The following DZIP3 variants were observed in gnomAD, a reference collection of about 807,000 sequenced individuals.
DZIP3 encodes DAZ interacting zinc finger protein 3.
Under a neutral mutation model 162.0 loss-of-function variants are expected in DZIP3, and 118 were observed. That is an observed-to-expected ratio of 0.73 (90% confidence interval 0.63 to 0.85). The LOEUF (loss-of-function observed/expected upper bound fraction) is 0.85. Among genes scored for constraint, DZIP3 ranks in the 40% least tolerant of loss-of-function variants. The probability of loss-of-function intolerance (pLI) is 0.00; values close to 1 mark genes in which losing one functional copy is unlikely to be tolerated. For synonymous variants in DZIP3, 438 were observed against 458.6 expected (o/e 0.96, Z 0.57); for missense variants, 1,331 against 1,407.0 (o/e 0.95, Z 0.86).
At chr3:108,638,384 C>T (rs1280372501) in intron 12 of DZIP3, among the ~76,000 whole-genome samples, 1 of 152,098 alleles carries the variant, frequency 6.6e-6, no homozygotes, top group Non-Finnish European at 1.5e-5. Context: ...GGCACAATCT[C>T]GGCTCACTGC....
In DZIP3 at chr3:108,644,457, G is replaced by A; in HGVS notation, c.1435G>A (p.Val479Met). The change falls in exon 14 of 33, where the codon GTG (valine) becomes ATG (methionine). Residue 479 changes from valine (V) to methionine (M), a missense_variant. By Grantham distance (21) the Val-to-Met change is conservative. Transcript: ENST00000361582. Reference protein sequence around the residue: ...LLLALIKHLNVFPAPKKGWNM... With the variant: ...LLLALIKHLNMFPAPKKGWNM... ...GTTAGCTCTTATAAAACATTTAAAT[G>A]TGTTCCCTGCACCCAAAAAAGGATG... The A allele has an allele frequency of 6.2e-7, 1 of 1,613,982 alleles. No individual in the cohort carries two copies. Among genetic ancestry groups the A allele is most frequent in the Non-Finnish European group, 8.5e-7 (1 of 1,179,966 alleles).
intron 32 of DZIP3, among the ~76,000 whole-genome samples, chr3:108,692,689 TC>T (rs758165961): frequency 1.3e-5 from 2 of 152,134 alleles, no homozygotes; most frequent in Non-Finnish European, 2.9e-5. Context: ...GATTGTTTGG[TC>T]CCATCCCAGG....
chr3:108,648,165 T>C lies in DZIP3; in HGVS notation c.1962+53T>C, dbSNP rs2107656204. The C allele has an allele frequency of 2.0e-6, 3 of 1,501,556 alleles. No homozygotes were observed. The South Asian group carries it at 4.1e-5, about 20-fold the overall frequency. The allele number at this position is 1,501,556 out of a possible 1,614,324, so 93.0% of individuals were successfully genotyped here. A position where few individuals can be genotyped will look rare whatever the true frequency, so the allele number is the denominator to read the frequency against. On this transcript the variant is annotated intron_variant, in intron 16 of 32. Transcript: ENST00000361582. Reference sequence around the variant, plus strand: ...AGAAGAACTTATTCTGGGCCTTTAATTTGTTGCATGTGCTGTACTTAAAGC... The same window carrying C: ...AGAAGAACTTATTCTGGGCCTTTAACTTGTTGCATGTGCTGTACTTAAAGC...
intron 7 of DZIP3, among the ~76,000 whole-genome samples, chr3:108,626,800 C>G (rs924223453): frequency 6.6e-6 from 1 of 152,170 alleles, no homozygotes; most frequent in Non-Finnish European, 1.5e-5. Context: ...GAGTGAATAA[C>G]TAAAGTGTTT....
At chr3:108,639,466 G>C (rs1942293607) in intron 12 of DZIP3, among the ~76,000 whole-genome samples, 2 of 152,276 alleles carry the variant, frequency 1.3e-5, no homozygotes, top group South Asian at 4.1e-4. Flanking sequence ...GCTGCTTTTA[G>C]TCTGTTCTAC....
intron 22 of DZIP3, 73 bp from the exon 23 acceptor site, chr3:108,672,487 C>T (rs1943957899): frequency 8.1e-7 from 1 of 1,237,204 alleles, no homozygotes; most frequent in African/African-American, 1.5e-5. Flanking sequence ...ACTTATCTTT[C>T]TTCCTCCTGA....
chr3:108,661,377 T>C (rs1943423645), intron 19 of DZIP3, among the ~76,000 whole-genome samples: 1 of 151,896 alleles, frequency 6.6e-6, no homozygotes, highest in Non-Finnish European at 1.5e-5. Flanking sequence ...CAGCAAACTA[T>C]CGCAAGGACA....
At chr3:108,672,467 T>G in intron 22 of DZIP3, 93 bp from the exon 23 acceptor site, 1 of 1,035,676 alleles carries the variant, frequency 9.7e-7, no homozygotes, top group Non-Finnish European at 1.5e-6. Context: ...AATTTCCTAC[T>G]GATTGTATAA....
intron 26 of DZIP3, among the ~76,000 whole-genome samples, chr3:108,683,650 T>C (rs1239126623): frequency 6.6e-6 from 1 of 152,160 alleles, no homozygotes; most frequent in Non-Finnish European, 1.5e-5. Context: ...TATCTGCAAA[T>C]CACTATAGCA....
At chr3:108,691,661 G>C (rs1944700372) in intron 32 of DZIP3, among the ~76,000 whole-genome samples, 1 of 152,166 alleles carries the variant, frequency 6.6e-6, no homozygotes. Context: ...TTTCTGGGAA[G>C]AAGTGCAGGA....
chr3:108,655,824 A>C (rs943190010), intron 19 of DZIP3, among the ~76,000 whole-genome samples: 9 of 152,206 alleles, frequency 5.9e-5, no homozygotes, highest in African/African-American at 2.2e-4. Context: ...TGACGGTCTC[A>C]GCAAACGGCA....
At chr3:108,666,881 C>T (rs1943703379) in intron 21 of DZIP3, among the ~76,000 whole-genome samples, 1 of 152,056 alleles carries the variant, frequency 6.6e-6, no homozygotes, top group South Asian at 2.1e-4. Flanking sequence ...ATAGCTGAGG[C>T]AGTGCTGAGA....
intron 1 of DZIP3, among the ~76,000 whole-genome samples, chr3:108,598,481 A>G (rs534832224): frequency 1.3e-5 from 2 of 152,320 alleles, no homozygotes; most frequent in African/African-American, 4.8e-5. Flanking sequence ...CTATATGAAA[A>G]GAAACTCTTT....
chr3:108,674,804 A>G (rs1280209067), intron 24 of DZIP3, among the ~76,000 whole-genome samples: 5 of 151,900 alleles, frequency 3.3e-5, no homozygotes, highest in Non-Finnish European at 7.4e-5. Context: ...AACTTAAAGA[A>G]TTAATTAAAT....
intron 5 of DZIP3, among the ~76,000 whole-genome samples, chr3:108,621,478 G>A (rs1311567598): frequency 6.6e-6 from 1 of 152,122 alleles, no homozygotes; most frequent in Non-Finnish European, 1.5e-5. Context: ...AATGTACAAT[G>A]AATTATTGTT....
chr3:108,620,630 C>G (rs1474252596), intron 5 of DZIP3, among the ~76,000 whole-genome samples: 1 of 152,200 alleles, frequency 6.6e-6, no homozygotes, highest in Non-Finnish European at 1.5e-5. Context: ...ACCTCTCTCC[C>G]TCTACAATTC....
intron 18 of DZIP3, among the ~76,000 whole-genome samples, chr3:108,653,519 A>ATATATAT: frequency 7.4e-6 from 1 of 135,670 alleles, no homozygotes; most frequent in Non-Finnish European, 1.5e-5. Context: ...ATATATATAT[A>ATATATAT]TATATATATA....
intron 1 of DZIP3, among the ~76,000 whole-genome samples, chr3:108,597,312 AT>A (rs1260491125): frequency 6.6e-6 from 1 of 151,812 alleles, no homozygotes; most frequent in African/African-American, 2.4e-5. Flanking sequence ...AGGTTTGAAT[AT>A]TTTGAGTATA....
intron 26 of DZIP3, among the ~76,000 whole-genome samples, chr3:108,683,766 A>G (rs545341879): frequency 2.4e-4 from 36 of 152,276 alleles, no homozygotes; most frequent in Non-Finnish European, 2.5e-4. Flanking sequence ...AATATTTTCT[A>G]TGGATAACTT....
Sources: gnomAD v4.1 joint callset for allele counts (sites outside exome capture counted in the v4.1 genomes callset) on GRCh38, gnomAD v4.1.1 for gene constraint, MANE v1.5 for transcripts, NCBI Gene and HGNC (gene_info 2026-07-23, HGNC 2026-07-21) for gene names.